SGMS2: variants seen among roughly 807,000 people sequenced by gnomAD.
SGMS2 encodes the protein sphingomyelin synthase 2, also known as phosphatidylcholine:ceramide cholinephosphotransferase 2.
Under a neutral mutation model 43.8 loss-of-function variants are expected in SGMS2, and 21 were observed. That is an observed-to-expected ratio of 0.48 (90% CI 0.34 to 0.69). The LOEUF is 0.69. SGMS2 is among the 30% of genes least tolerant of loss of function. The pLI, the probability that SGMS2 is intolerant of heterozygous loss-of-function variation, is 0.01. For missense variants in SGMS2, 384 were observed against 443.2 expected (o/e 0.87, Z 1.20); for synonymous variants, 167 against 160.6 (o/e 1.04, Z -0.30).
intron 1 of SGMS2, among the ~76,000 whole-genome samples, chr4:107,837,043 C>A (rs981864787): frequency 2.6e-5 from 4 of 152,196 alleles, no homozygotes; most frequent in Admixed American, 2.0e-4. Context: ...AACTTCATGA[C>A]ACAGATTGCT....
intron 2 of SGMS2, among the ~76,000 whole-genome samples, chr4:107,875,714 A>C (rs1225139114): frequency 1.3e-5 from 2 of 152,214 alleles, no homozygotes; most frequent in African/African-American, 4.8e-5. Context: ...AGCAGAAAAT[A>C]GTATAGACTG....
intron 1 of SGMS2, among the ~76,000 whole-genome samples, chr4:107,826,593 T>C (rs957037299): frequency 1.3e-5 from 2 of 152,134 alleles, no homozygotes; most frequent in African/African-American, 4.8e-5. Flanking sequence ...CAAAATTTCC[T>C]CTTTATGGCC....
chr4:107,905,065 A>G (rs1731438539), intron 5 of SGMS2, among the ~76,000 whole-genome samples: 1 of 152,196 alleles, frequency 6.6e-6, no homozygotes, highest in African/African-American at 2.4e-5. Flanking sequence ...AGTTTTCTAA[A>G]ATAACTGAAA....
intron 2 of SGMS2, among the ~76,000 whole-genome samples, chr4:107,870,457 TGTCAA>T (rs1410423374): frequency 2.6e-5 from 4 of 152,154 alleles, no homozygotes; most frequent in African/African-American, 9.7e-5. Context: ...TGGAAGGAAA[TGTCAA>T]GTGTGTTTTG....
chr4:107,833,688 A>G (rs1186621938), intron 1 of SGMS2, among the ~76,000 whole-genome samples: 1 of 152,196 alleles, frequency 6.6e-6, no homozygotes, highest in Non-Finnish European at 1.5e-5. Flanking sequence ...CATTTCAGAT[A>G]AGGGATTCTC....
At chr4:107,891,603 AAAG>A (rs1387678051) in intron 2 of SGMS2, among the ~76,000 whole-genome samples, 4 of 152,146 alleles carry the variant, frequency 2.6e-5, no homozygotes, top group Admixed American at 1.3e-4. Context: ...GGCAAAAGGA[AAAG>A]AAGAACTTTC....
Position 107,868,987 on chromosome 4 carries a change from T to G in SGMS2, c.-245+10434T>G, listed in dbSNP as rs150371783. On this transcript the variant is annotated intron_variant, in intron 2 of 6. Transcript: ENST00000690982. ...TTACAGAACACCATTTTTAAGAGATTTGTGTAATTGTGCATGAATATAGGT... is the reference window on the plus strand; with the variant it reads ...TTACAGAACACCATTTTTAAGAGATGTGTGTAATTGTGCATGAATATAGGT... 1.6e-3 allele frequency among the ~76,000 whole-genome samples: 249 copies of G among 152,290 alleles called. 2 individuals are homozygous for G. In the East Asian group the frequency reaches 0.039, roughly 24 times the overall value.
intron 2 of SGMS2, among the ~76,000 whole-genome samples, chr4:107,881,847 A>G (rs6817695): frequency 0.026 from 3,927 of 152,220 alleles, 182 homozygotes; most frequent in African/African-American, 0.09. Flanking sequence ...AGCTCCCACA[A>G]ATGAGTGGGA....
chr4:107,849,939 T>A (rs953424349), intron 1 of SGMS2, among the ~76,000 whole-genome samples: 2 of 152,248 alleles, frequency 1.3e-5, no homozygotes. Flanking sequence ...AGTTTGGATG[T>A]GTGTCCCCAC....
Position 107,895,454 on chromosome 4 carries a change from G to C in SGMS2, c.-100G>C. 1.7e-6 allele frequency: 2 copies of C among 1,196,956 alleles called. No individual in the cohort carries two copies. Among genetic ancestry groups the C allele is most frequent in the Non-Finnish European group, 2.4e-6 (2 of 843,618 alleles). 74.1% of individuals were successfully genotyped at this position (1,196,956 alleles called of 1,614,324 possible). A position where few individuals can be genotyped will look rare whatever the true frequency, so the allele number is the denominator to read the frequency against. ...TTAGGAAACAAAGTCCATTGTAAGA[G>C]TCCATGTTGATCTTGGAAATAGAAG... On this transcript the variant is annotated 5_prime_UTR_variant, in exon 3 of 7. Coordinates refer to ENST00000690982, the MANE Select transcript of SGMS2 (RefSeq NM_001375905.1).
Position 107,872,435 on chromosome 4 carries a change from C to T in SGMS2, c.-245+13882C>T, listed in dbSNP as rs1578575065. Among the ~76,000 whole-genome samples, 4 of 152,142 alleles carry T rather than the reference C, an allele frequency of 2.6e-5. 1 individual carries two copies. Among genetic ancestry groups the T allele is most frequent in the South Asian group, 2.1e-4 (1 of 4,820 alleles). ...CAGAATTCAAGCTCCATGAGGGAAGCGACTTTTTAAAAAATTGTTATATCC... is the reference window on the plus strand; with the variant it reads ...CAGAATTCAAGCTCCATGAGGGAAGTGACTTTTTAAAAAATTGTTATATCC... On this transcript the variant is annotated intron_variant, in intron 2 of 6. Transcript: ENST00000690982.
intron 5 of SGMS2, chr4:107,908,304 C>T (rs539154500): frequency 3.7e-4 from 136 of 363,252 alleles, no homozygotes; most frequent in Non-Finnish European, 5.8e-4. Context: ...AGCTTATTCA[C>T]GTGGGTAAGG....
At chr4:107,872,376 G>C (rs6835408) in intron 2 of SGMS2, among the ~76,000 whole-genome samples, 107,240 of 152,000 alleles carry the variant, frequency 0.71, 38,501 homozygotes, top group African/African-American at 0.83. Flanking sequence ...CTTCGTAGCA[G>C]TTTTAATCTT....
intron 2 of SGMS2, among the ~76,000 whole-genome samples, chr4:107,884,743 C>T (rs1448181157): frequency 6.6e-6 from 1 of 152,156 alleles, no homozygotes; most frequent in Admixed American, 6.5e-5. Context: ...AGTTGTCCCA[C>T]CTTTCCAGAC....
At position 107,895,546 on chromosome 4, in the gene SGMS2, A is replaced by G. The variant is rs756574341; in HGVS notation, c.-8A>G. 3.1e-6 allele frequency: 5 copies of G among 1,607,072 alleles called. No homozygotes were observed. The highest frequency in any genetic ancestry group is 1.7e-4 in the Middle Eastern group (1 of 6,020). On this transcript the variant is annotated 5_prime_UTR_variant, in exon 3 of 7. Transcript: ENST00000690982. ...CCATCTCCTTTTTGATCTGAAGACTAGGGGACAATGGATATCATAGAGACA... is the reference window on the plus strand; with the variant it reads ...CCATCTCCTTTTTGATCTGAAGACTGGGGGACAATGGATATCATAGAGACA...
intron 1 of SGMS2, among the ~76,000 whole-genome samples, chr4:107,851,255 A>G (rs1213064767): frequency 6.6e-6 from 1 of 152,196 alleles, no homozygotes; most frequent in Non-Finnish European, 1.5e-5. Flanking sequence ...GAGTTATGAC[A>G]AGTACAAATC....
At chr4:107,868,436 G>A (rs1207199621) in intron 2 of SGMS2, among the ~76,000 whole-genome samples, 5 of 152,210 alleles carry the variant, frequency 3.3e-5, no homozygotes, top group South Asian at 2.1e-4. Context: ...GTTGCTGCCC[G>A]CCAGGTGTGG....
chr4:107,898,572 T>C (rs1407046658), intron 3 of SGMS2, among the ~76,000 whole-genome samples: 1 of 152,172 alleles, frequency 6.6e-6, no homozygotes, highest in Non-Finnish European at 1.5e-5. Flanking sequence ...GTCTAGGGGC[T>C]TTATGTGGAG....
intron 2 of SGMS2, among the ~76,000 whole-genome samples, chr4:107,869,369 T>A (rs1214629392): frequency 1.3e-5 from 2 of 152,108 alleles, no homozygotes; most frequent in East Asian, 3.8e-4. Flanking sequence ...ACATAAAGCT[T>A]GATAAGAGGG....
Sources: gnomAD v4.1 joint callset for allele counts (sites outside exome capture counted in the v4.1 genomes callset) on GRCh38, gnomAD v4.1.1 for gene constraint, MANE v1.5 for transcripts, NCBI Gene and HGNC (gene_info 2026-07-23, HGNC 2026-07-21) for gene names.